The following CATSPERD variants were observed in gnomAD, a reference collection of about 807,000 sequenced individuals.
CATSPERD encodes catsper channel auxiliary subunit delta.
A neutral mutation model predicts 98.1 loss-of-function variants in CATSPERD; 86 were observed. That is an observed-to-expected ratio of 0.88 (90% confidence interval 0.74 to 1.05). The LOEUF (loss-of-function observed/expected upper bound fraction) is 1.05, where lower values mean the gene tolerates loss of function less well. Ranked by LOEUF, CATSPERD falls within the 50% of genes least tolerant of loss-of-function variation. The probability of loss-of-function intolerance (pLI) is 0.00; values close to 1 mark genes in which losing one functional copy is unlikely to be tolerated. For missense variants in CATSPERD, 995 were observed against 1,005.7 expected, an observed-to-expected ratio of 0.99 and a Z score of 0.14; for synonymous variants, 394 against 390.2, an observed-to-expected ratio of 1.01 and a Z score of -0.12.
chr19:5,721,592 G>A (rs1479052228), intron 1 of CATSPERD, among the ~76,000 whole-genome samples: 2 of 152,222 alleles, frequency 1.3e-5, no homozygotes, highest in African/African-American at 4.8e-5. Flanking sequence ...CCTGTGAGCT[G>A]TATTCTTAGG....
chr19:5,758,287 G>A (rs181313452), intron 14 of CATSPERD, among the ~76,000 whole-genome samples: 12 of 152,124 alleles, frequency 7.9e-5, no homozygotes, highest in Admixed American at 2.0e-4. Context: ...AACCAGGCTC[G>A]TCACATCACA....
intron 4 of CATSPERD, among the ~76,000 whole-genome samples, chr19:5,733,088 G>A (rs2055760473): frequency 6.6e-6 from 1 of 151,434 alleles, no homozygotes; most frequent in South Asian, 2.1e-4. Flanking sequence ...CCACCTCCTG[G>A]GTTCAAGCAA....
intron 20 of CATSPERD, 149 bp from the exon 21 acceptor site, chr19:5,776,012 G>T: frequency 3.9e-6 from 3 of 762,432 alleles, no homozygotes; most frequent in South Asian, 1.8e-5. Flanking sequence ...GCATGAACCT[G>T]CCCACACCAT....
At chr19:5,776,129 A>C (rs1427069762) in intron 20 of CATSPERD, 32 bp from the exon 21 acceptor site, 6 of 1,608,834 alleles carry the variant, frequency 3.7e-6, no homozygotes, top group Non-Finnish European at 5.1e-6. Context: ...CCCAGTCCCT[A>C]GGGCCAGTGG....
At position 5,762,041 on chromosome 19, in the gene CATSPERD, CAT is replaced by C. The variant is rs71172765; in HGVS notation, c.1428-1157_1428-1156del. Among the ~76,000 whole-genome samples the C allele has an allele frequency of 4.1e-3, 96 of 23,254 alleles. 8 individuals carry two copies. The highest frequency in any genetic ancestry group is 0.05 in the Middle Eastern group (1 of 20). 15.3% of individuals were successfully genotyped at this position (23,254 alleles called of 152,430 possible). A position where few individuals can be genotyped will look rare whatever the true frequency, so the allele number is the denominator to read the frequency against. On this transcript the variant is annotated intron_variant, in intron 15 of 21. Coordinates refer to ENST00000381624, the MANE Select transcript of CATSPERD (RefSeq NM_152784.4). ...GTGAGAGCCACTGCGCCTGGCCTGC[CAT>C]ATATATATATATATATTTTTTTTTT... is the stretch of plus-strand genomic sequence containing the variant.
At chr19:5,754,704 A>G (rs760441524) in intron 13 of CATSPERD, among the ~76,000 whole-genome samples, 1 of 149,516 alleles carries the variant, frequency 6.7e-6, no homozygotes, top group Non-Finnish European at 1.5e-5. Flanking sequence ...AGCCATTTCT[A>G]TGTGTCTTCC....
In CATSPERD at chr19:5,745,893, A is replaced by T; in HGVS notation, c.658-20A>T. 2 of 1,613,364 alleles carry T rather than the reference A, an allele frequency of 1.2e-6. No homozygotes were observed. The highest frequency in any genetic ancestry group is 1.3e-5 in the African/African-American group (1 of 75,014). ...ACAGTAGGGTTTGGGGAGAGGCTGA[A>T]TGGTGTCTTTTTCTCCCAGGGCATG... On this transcript the variant is annotated intron_variant, in intron 8 of 21. Transcript: ENST00000381624.
At chr19:5,731,559 A>AGTTTT (rs2055718527) in intron 4 of CATSPERD, among the ~76,000 whole-genome samples, 1 of 78,508 alleles carries the variant, frequency 1.3e-5, no homozygotes, top group African/African-American at 4.6e-5. Context: ...GACACTTAAC[A>AGTTTT]GTTTTTTTTT....
rs751293564 is a variant in CATSPERD at position 5,776,198 on chromosome 19, C to T, written c.1979C>T (p.Pro660Leu). 40 of 1,614,252 alleles carry T rather than the reference C, an allele frequency of 2.5e-5. No homozygotes were observed. In the South Asian group the frequency reaches 4.3e-4, roughly 17 times the overall value. The change falls in exon 21 of 22, where the codon CCT (proline) becomes CTT (leucine). Residue 660 changes from proline to leucine, a missense_variant. Pro to Leu is a moderately conservative substitution (Grantham distance 98, BLOSUM62 -3). Coordinates refer to ENST00000381624, the MANE Select transcript of CATSPERD (RefSeq NM_152784.4). ...TGCCACGACCCCAACAACAATGCCC[C>T]TTTGAGGTGGCCAGACGTCCAGTAT... ...VSCHDPNNNA[P>L]LRWPDVQYQI...
At chr19:5,744,785 G>C (rs922450737) in intron 8 of CATSPERD, among the ~76,000 whole-genome samples, 12 of 151,832 alleles carry the variant, frequency 7.9e-5, no homozygotes, top group African/African-American at 2.9e-4. Flanking sequence ...ATTTTTAGTA[G>C]AGATAGGGTT....
intron 4 of CATSPERD, 51 bp from the exon 5 acceptor site, chr19:5,733,805 C>T (rs2145708113): frequency 8.0e-7 from 1 of 1,253,628 alleles, no homozygotes; most frequent in Non-Finnish European, 1.1e-6. Flanking sequence ...GTTTCTGAAT[C>T]AATGTTTGAA....
chr19:5,749,005 C>A, intron 10 of CATSPERD, 96 bp from the exon 11 acceptor site: 2 of 961,498 alleles, frequency 2.1e-6, no homozygotes, highest in Non-Finnish European at 3.2e-6. Flanking sequence ...GTTGGAATTA[C>A]AGGCGTGAGC....
At chr19:5,724,704 A>G (rs757673428) in intron 1 of CATSPERD, 104 bp from the exon 2 acceptor site, 113 of 1,226,970 alleles carry the variant, frequency 9.2e-5, no homozygotes, top group Non-Finnish European at 1.3e-4. Context: ...GTCCCCCCCA[A>G]AAAAGAACAG....
At chr19:5,777,601 G>A (rs1362908909) in intron 21 of CATSPERD, among the ~76,000 whole-genome samples, 6 of 152,286 alleles carry the variant, frequency 3.9e-5, no homozygotes, top group South Asian at 2.1e-4. Flanking sequence ...CATAAAAGTC[G>A]GCCTGGCACA....
rs1400141482 is a variant in CATSPERD at position 5,768,243 on chromosome 19, G to A, written c.1634+1G>A. On this transcript the variant is annotated splice_donor_variant, in intron 18 of 21. Coordinates refer to ENST00000381624, the MANE Select transcript of CATSPERD (RefSeq NM_152784.4). LOFTEE classifies it high-confidence loss of function. ...ACAATTACAGCTTCATCATCGAGAA[G>A]TAAGCCAGCGTCCCCCCGCAACACC... is the stretch of plus-strand genomic sequence containing the variant. The A allele has an allele frequency of 6.2e-7, 1 of 1,611,308 alleles. No individual in the cohort carries two copies. The highest frequency in any genetic ancestry group is 1.1e-5 in the South Asian group (1 of 90,956).
chr19:5,749,961 A>G (rs1459252384), intron 11 of CATSPERD, among the ~76,000 whole-genome samples: 8 of 150,776 alleles, frequency 5.3e-5, no homozygotes, highest in Non-Finnish European at 7.4e-5. Context: ...ATGCCACCAC[A>G]CCAGGCTAAG....
intron 15 of CATSPERD, among the ~76,000 whole-genome samples, chr19:5,762,058 A>ATATATATATATATATATATTTTTTTTTT: frequency 1.9e-4 from 2 of 10,436 alleles, no homozygotes; most frequent in Non-Finnish European, 1.8e-4. Context: ...ATATATATAT[A>ATATATATATATATATATATTTTTTTTTT]TTTTTTTTTT....
chr19:5,776,074 G>A, intron 20 of CATSPERD, 87 bp from the exon 21 acceptor site: 1 of 1,427,648 alleles, frequency 7.0e-7, no homozygotes, highest in Non-Finnish European at 9.6e-7. Flanking sequence ...GGACTGGGGT[G>A]GGTGCAGGGC....
intron 21 of CATSPERD, among the ~76,000 whole-genome samples, chr19:5,777,235 T>C (rs1203424067): frequency 1.3e-5 from 2 of 151,990 alleles, no homozygotes; most frequent in African/African-American, 4.8e-5. Context: ...CTGCCTTCTC[T>C]AGAGGCCCCA....
Sources: allele counts gnomAD v4.1 joint callset (sites outside exome capture counted in the v4.1 genomes callset), GRCh38; gene constraint gnomAD v4.1.1; transcripts MANE v1.5; gene names NCBI Gene and HGNC (gene_info 2026-07-23, HGNC 2026-07-21).